COL4A1: variants seen among roughly 807,000 people sequenced by gnomAD.
COL4A1 encodes the protein collagen alpha-1(IV) chain.
In COL4A1, 40 loss-of-function variants were observed where a neutral mutation model predicts 216.6. The observed-to-expected ratio is 0.18, with a 90% CI of 0.14 to 0.24. The LOEUF (loss-of-function observed/expected upper bound fraction) is 0.24, where lower values mean the gene tolerates loss of function less well. Among genes scored for constraint, COL4A1 ranks in the 10% least tolerant of loss-of-function variants. COL4A1 has a pLI of 1.00. For missense variants in COL4A1, 1,628 were observed against 2,196.8 expected, an observed-to-expected ratio of 0.74 and a Z score of 5.18; for synonymous variants, 839 against 810.7, an observed-to-expected ratio of 1.03 and a Z score of -0.59.
intron 1 of COL4A1, among the ~76,000 whole-genome samples, chr13:110,251,335 C>T (rs1315052807): frequency 6.6e-6 from 1 of 152,266 alleles, no homozygotes. Context: ...CCCAAGGCCC[C>T]ATGCCCAAGA....
chr13:110,272,700 T>G (rs944143584), intron 1 of COL4A1, among the ~76,000 whole-genome samples: 1 of 152,244 alleles, frequency 6.6e-6, no homozygotes, highest in Non-Finnish European at 1.5e-5. Context: ...ACTTCCTATT[T>G]GCCTAATCCT....
At chr13:110,231,141 A>C (rs1388505012) in intron 2 of COL4A1, among the ~76,000 whole-genome samples, 1 of 152,240 alleles carries the variant, frequency 6.6e-6, no homozygotes, top group African/African-American at 2.4e-5. Flanking sequence ...TGTGGGAACA[A>C]GATCCACCGA....
chr13:110,230,239 A>C (rs886655636), intron 2 of COL4A1, among the ~76,000 whole-genome samples: 1 of 151,276 alleles, frequency 6.6e-6, no homozygotes, highest in Non-Finnish European at 1.5e-5. Context: ...TGTGTGTGGT[A>C]TGTATGTGTG....
intron 2 of COL4A1, among the ~76,000 whole-genome samples, chr13:110,231,252 G>C (rs894527860): frequency 6.6e-6 from 1 of 152,232 alleles, no homozygotes; most frequent in African/African-American, 2.4e-5. Context: ...CACTCATGGA[G>C]ATGTGTCCTT....
chr13:110,303,153 A>G (rs919196662), intron 1 of COL4A1, among the ~76,000 whole-genome samples: 2 of 152,166 alleles, frequency 1.3e-5, no homozygotes, highest in African/African-American at 2.4e-5. Context: ...ATTTGCCAAC[A>G]GCCTTGTTAA....
At chr13:110,261,155 A>G (rs956638498) in intron 1 of COL4A1, among the ~76,000 whole-genome samples, 2 of 152,150 alleles carry the variant, frequency 1.3e-5, no homozygotes, top group African/African-American at 4.8e-5. Flanking sequence ...TACAGCCCCA[A>G]TGTGGTCACA....
intron 49 of COL4A1, among the ~76,000 whole-genome samples, chr13:110,155,912 CA>C (rs940438947): frequency 1.9e-4 from 28 of 148,758 alleles, no homozygotes; most frequent in Non-Finnish European, 3.3e-4. Flanking sequence ...AACTCCGTCT[CA>C]AAAAAAAAAT....
chr13:110,300,725 C>T (rs986567084), intron 1 of COL4A1, among the ~76,000 whole-genome samples: 6 of 152,194 alleles, frequency 3.9e-5, no homozygotes, highest in African/African-American at 1.4e-4. Context: ...CCACAGTACA[C>T]TAAGATGTGT....
chr13:110,219,926 G>GTGTGTATATA (rs1566386230), intron 2 of COL4A1, among the ~76,000 whole-genome samples: 3 of 98,118 alleles, frequency 3.1e-5, no homozygotes, highest in Non-Finnish European at 6.0e-5. Context: ...GTATATATAT[G>GTGTGTATATA]TATGTATATG....
chr13:110,176,321 T>C, intron 36 of COL4A1, 103 bp downstream of exon 36: 1 of 819,910 alleles, frequency 1.2e-6, no homozygotes, highest in Non-Finnish European at 2.1e-6. Context: ...CACACGTGCC[T>C]GGATTCTGTC....
Position 110,192,300 on chromosome 13 carries a change from G to A in COL4A1, c.1466-16C>T, listed in dbSNP as rs768929506. 1.9e-6 allele frequency: 3 copies of A among 1,613,400 alleles called. No individual in the cohort carries two copies. Among genetic ancestry groups the A allele is most frequent in the Non-Finnish European group, 1.7e-6 (2 of 1,179,380 alleles). On this transcript the variant is annotated splice_polypyrimidine_tract_variant and intron_variant, in intron 23 of 51. Coordinates refer to ENST00000375820, the MANE Select transcript of COL4A1 (RefSeq NM_001845.6). ...CCTGGGAAACCTTTCGTGAGAGAGA[G>A]GGAAAAAGACAGCAACACAGCATTC...
intron 2 of COL4A1, among the ~76,000 whole-genome samples, chr13:110,226,494 T>C (rs1269886449): frequency 6.6e-6 from 1 of 152,212 alleles, no homozygotes; most frequent in South Asian, 2.1e-4. Context: ...CCCAGCATGC[T>C]GCAATAATTT....
chr13:110,176,852 C>G, intron 34 of COL4A1, 33 bp downstream of exon 34: 1 of 1,614,118 alleles, frequency 6.2e-7, no homozygotes, highest in South Asian at 1.1e-5. Flanking sequence ...ATTGTGGTTC[C>G]GAGCTTGGCC....
intron 15 of COL4A1, among the ~76,000 whole-genome samples, chr13:110,206,095 T>C (rs1056099487): frequency 6.6e-6 from 1 of 152,228 alleles, no homozygotes; most frequent in Non-Finnish European, 1.5e-5. Flanking sequence ...CTACAAGTCT[T>C]CTAAAATATG....
At chr13:110,294,051 T>A (rs1010309371) in intron 1 of COL4A1, among the ~76,000 whole-genome samples, 1 of 152,202 alleles carries the variant, frequency 6.6e-6, no homozygotes, top group African/African-American at 2.4e-5. Flanking sequence ...CAAGTGCTCA[T>A]TGTGACCAGA....
At chr13:110,278,462 G>A (rs943502718) in intron 1 of COL4A1, among the ~76,000 whole-genome samples, 1 of 152,178 alleles carries the variant, frequency 6.6e-6, no homozygotes, top group Non-Finnish European at 1.5e-5. Flanking sequence ...GGACTCACTA[G>A]AGAGGTTATG....
intron 40 of COL4A1, among the ~76,000 whole-genome samples, chr13:110,173,185 G>A (rs1313332767): frequency 6.6e-6 from 1 of 152,128 alleles, no homozygotes; most frequent in Non-Finnish European, 1.5e-5. Flanking sequence ...AGGGCTTGAG[G>A]GAAGATTCAA....
At chr13:110,175,505 C>T (rs1877841828) in intron 36 of COL4A1, 148 bp from the exon 37 acceptor site, 1 of 1,399,410 alleles carries the variant, frequency 7.1e-7, no homozygotes, top group Admixed American at 2.0e-5. Flanking sequence ...GAATGCACAT[C>T]CCTCATGTAT....
intron 51 of COL4A1, among the ~76,000 whole-genome samples, chr13:110,151,525 T>G (rs1876496801): frequency 6.6e-6 from 1 of 152,244 alleles, no homozygotes; most frequent in African/African-American, 2.4e-5. Context: ...TATGTTGTTC[T>G]GCCTCTTACT....
Sources: gnomAD v4.1 joint callset for allele counts (sites outside exome capture counted in the v4.1 genomes callset) on GRCh38, gnomAD v4.1.1 for gene constraint, MANE v1.5 for transcripts, NCBI Gene and HGNC (gene_info 2026-07-23, HGNC 2026-07-21) for gene names.